Variants in RNF145 observed in about 807,000 individuals in gnomAD.
RNF145 encodes the protein ring finger protein 145.
A neutral mutation model predicts 57.3 loss-of-function variants in RNF145; 12 were observed. That is an observed-to-expected ratio of 0.21 (90% CI 0.13 to 0.34). The LOEUF is 0.34. RNF145 is among the 10% of genes least tolerant of loss of function. RNF145 has a pLI of 1.00. For synonymous variants in RNF145, 262 were observed against 288.3 expected (o/e 0.91, Z 0.92); for missense variants, 429 against 799.0 (o/e 0.54, Z 5.58).
chr5:159,182,435 C>A (rs990882880), intron 3 of RNF145, among the ~76,000 whole-genome samples: 1 of 152,058 alleles, frequency 6.6e-6, no homozygotes, highest in African/African-American at 2.4e-5. Flanking sequence ...CTTCCACCAC[C>A]ATCACCCCAC....
At chr5:159,201,893 T>C (rs1785681824) in intron 2 of RNF145, among the ~76,000 whole-genome samples, 1 of 151,894 alleles carries the variant, frequency 6.6e-6, no homozygotes, top group Non-Finnish European at 1.5e-5. Flanking sequence ...TGTAGATACA[T>C]TATTTTATTA....
At chr5:159,195,600 C>T (rs1785433057) in intron 2 of RNF145, among the ~76,000 whole-genome samples, 1 of 152,162 alleles carries the variant, frequency 6.6e-6, no homozygotes, top group Admixed American at 6.5e-5. Flanking sequence ...AACGTTGTTA[C>T]TCTTTGGCTC....
intron 10 of RNF145, among the ~76,000 whole-genome samples, chr5:159,160,262 C>A (rs959863526): frequency 1.3e-5 from 2 of 152,122 alleles, no homozygotes; most frequent in East Asian, 1.9e-4. Flanking sequence ...CTACATTACT[C>A]CTCAGACCCC....
chr5:159,183,026 G>C (rs1189423795), intron 3 of RNF145, among the ~76,000 whole-genome samples: 2 of 152,094 alleles, frequency 1.3e-5, no homozygotes, highest in Admixed American at 6.5e-5. Context: ...AACAAGGAAA[G>C]ACCCTCACAC....
intron 2 of RNF145, among the ~76,000 whole-genome samples, chr5:159,199,106 A>G (rs1785574099): frequency 6.6e-6 from 1 of 152,230 alleles, no homozygotes; most frequent in African/African-American, 2.4e-5. Flanking sequence ...GGGAAAATAG[A>G]TAAGCATATG....
chr5:159,163,101 C>A (rs749407288), intron 8 of RNF145, 22 bp from the exon 9 acceptor site: 1 of 1,577,476 alleles, frequency 6.3e-7, no homozygotes, highest in East Asian at 2.2e-5. Flanking sequence ...CAAAATTATT[C>A]TTTTTAAGTG....
intron 4 of RNF145, 31 bp downstream of exon 4, chr5:159,181,929 A>G: frequency 7.7e-7 from 1 of 1,296,512 alleles, no homozygotes; most frequent in Non-Finnish European, 1.1e-6. Flanking sequence ...GTCGGTTCCT[A>G]CCTACACTTT....
chr5:159,209,992 C>T (rs538165470), upstream of RNF145: 2,599 of 1,255,378 alleles, frequency 2.1e-3, 2 homozygotes, highest in Non-Finnish European at 2.7e-3. Flanking sequence ...ATGGCTCAGC[C>T]GTGCCCAGCA....
At chr5:159,183,180 T>C (rs1282606794) in intron 3 of RNF145, among the ~76,000 whole-genome samples, 2 of 152,194 alleles carry the variant, frequency 1.3e-5, no homozygotes, top group South Asian at 2.1e-4. Context: ...CACTCTTAGA[T>C]GATGGTTTCT....
At chr5:159,192,671 T>C (rs957887578) in intron 3 of RNF145, among the ~76,000 whole-genome samples, 3 of 152,312 alleles carry the variant, frequency 2.0e-5, no homozygotes, top group African/African-American at 4.8e-5. Flanking sequence ...TTTATATACC[T>C]TATCTTATTT....
chr5:159,195,071 G>A (rs1289384749), intron 2 of RNF145, among the ~76,000 whole-genome samples: 1 of 152,102 alleles, frequency 6.6e-6, no homozygotes, highest in African/African-American at 2.4e-5. Flanking sequence ...TCACACAAAT[G>A]TGTAACACAA....
At chr5:159,182,394 T>C (rs1235880635) in intron 3 of RNF145, among the ~76,000 whole-genome samples, 1 of 152,050 alleles carries the variant, frequency 6.6e-6, no homozygotes, top group Non-Finnish European at 1.5e-5. Flanking sequence ...TCACATCTAG[T>C]GATATTACAC....
rs189406754 is a variant in RNF145 at position 159,172,389 on chromosome 5, G to A, written c.797+1594C>T. On this transcript the variant is annotated intron_variant, in intron 6 of 10. Transcript: ENST00000424310. ...CCAACTACTTGGGAGGCTGAGGCAG[G>A]AGAATTGCTGGAACCTGGGAGGCGG... 2.9e-3 allele frequency among the ~76,000 whole-genome samples: 438 copies of A among 152,140 alleles called. 1 individual carries two copies. Among genetic ancestry groups the A allele is most frequent in the African/African-American group, 9.7e-3 (401 of 41,482 alleles).
chr5:159,168,301 C>T (rs1336437858), intron 8 of RNF145, among the ~76,000 whole-genome samples: 6 of 152,026 alleles, frequency 3.9e-5, no homozygotes, highest in African/African-American at 1.4e-4. Context: ...GCAAGATGTA[C>T]ATGAATCCAA....
At chr5:159,194,325 C>A (rs142752418) in intron 3 of RNF145, among the ~76,000 whole-genome samples, 2,278 of 152,296 alleles carry the variant, frequency 0.015, 40 homozygotes, top group African/African-American at 0.044. Context: ...GCGCCCGCCA[C>A]CATGCCCGGC....
At chr5:159,187,838 G>C (rs893977370) in intron 3 of RNF145, among the ~76,000 whole-genome samples, 2 of 152,116 alleles carry the variant, frequency 1.3e-5, no homozygotes, top group African/African-American at 2.4e-5. Flanking sequence ...CCCTGAGAAA[G>C]AGCAGCCCCA....
At chr5:159,159,765 A>T (rs1234945405) in intron 10 of RNF145, among the ~76,000 whole-genome samples, 1 of 152,226 alleles carries the variant, frequency 6.6e-6, no homozygotes, top group Admixed American at 6.5e-5. Flanking sequence ...TTGCATTAAT[A>T]TTCCTTGCAT....
At chr5:159,197,381 A>G (rs1277797103) in intron 2 of RNF145, among the ~76,000 whole-genome samples, 1 of 152,246 alleles carries the variant, frequency 6.6e-6, no homozygotes, top group Non-Finnish European at 1.5e-5. Flanking sequence ...TAAATACAAT[A>G]ATCAAGAATT....
intron 1 of RNF145, chr5:159,208,179 C>A (rs561907989): frequency 4.4e-6 from 6 of 1,368,408 alleles, no homozygotes; most frequent in Admixed American, 3.1e-5. Context: ...AACCCCAACC[C>A]AGCTCGCGGC....
Sources: gnomAD v4.1 joint callset for allele counts (sites outside exome capture counted in the v4.1 genomes callset) on GRCh38, gnomAD v4.1.1 for gene constraint, MANE v1.5 for transcripts, NCBI Gene and HGNC (gene_info 2026-07-23, HGNC 2026-07-21) for gene names.